The following KCNMA1 variants were observed in gnomAD, a reference collection of about 807,000 sequenced individuals.
KCNMA1 encodes the protein Calcium-activated potassium channel subunit alpha-1.
Under a neutral mutation model 140.0 loss-of-function variants are expected in KCNMA1, and 29 were observed. That is an observed-to-expected ratio of 0.21 (90% CI 0.15 to 0.28). The LOEUF (loss-of-function observed/expected upper bound fraction) is 0.28, where lower values mean the gene tolerates loss of function less well. KCNMA1 is among the 10% of genes least tolerant of loss of function. The pLI, the probability that KCNMA1 is intolerant of heterozygous loss-of-function variation, is 1.00. For synonymous variants in KCNMA1, 612 were observed against 611.9 expected (o/e 1.00, Z 0.00); for missense variants, 880 against 1,602.2 (o/e 0.55, Z 7.70).
chr10:77,597,609 G>C (rs1329500446), intron 1 of KCNMA1, among the ~76,000 whole-genome samples: 1 of 152,116 alleles, frequency 6.6e-6, no homozygotes, highest in African/African-American at 2.4e-5. Flanking sequence ...CATATACAAG[G>C]CTCACAAGGC....
At chr10:77,126,911 C>A (rs2097754883) in intron 5 of KCNMA1, among the ~76,000 whole-genome samples, 1 of 152,106 alleles carries the variant, frequency 6.6e-6, no homozygotes, top group Non-Finnish European at 1.5e-5. Context: ...TGGTGATCTG[C>A]ATACCAGAAG....
intron 3 of KCNMA1, among the ~76,000 whole-genome samples, chr10:77,190,093 G>A (rs2098927041): frequency 6.6e-6 from 1 of 151,938 alleles, no homozygotes; most frequent in African/African-American, 2.4e-5. Context: ...CTCTTCAACT[G>A]CTGATTACTC....
At chr10:76,917,526 C>T (rs2053475624) in intron 23 of KCNMA1, among the ~76,000 whole-genome samples, 1 of 152,108 alleles carries the variant, frequency 6.6e-6, no homozygotes, top group African/African-American at 2.4e-5. Flanking sequence ...GCTTCATAGG[C>T]TTCTTTCATT....
chr10:77,424,468 C>T (rs1176778049), intron 1 of KCNMA1, among the ~76,000 whole-genome samples: 2 of 152,030 alleles, frequency 1.3e-5, no homozygotes, highest in Non-Finnish European at 2.9e-5. Flanking sequence ...CTGCTATATA[C>T]CCATAGTGGA....
At chr10:77,411,696 G>A (rs1372791573) in intron 1 of KCNMA1, among the ~76,000 whole-genome samples, 1 of 152,136 alleles carries the variant, frequency 6.6e-6, no homozygotes, top group Admixed American at 6.5e-5. Context: ...GCCACTTCTG[G>A]GTACTGCTTG....
At chr10:77,587,497 C>T (rs948921476) in intron 1 of KCNMA1, among the ~76,000 whole-genome samples, 1 of 152,114 alleles carries the variant, frequency 6.6e-6, no homozygotes, top group African/African-American at 2.4e-5. Flanking sequence ...TTGGGATAAG[C>T]CAAGAGGGAG....
chr10:77,334,043 A>G (rs775417204), intron 2 of KCNMA1, among the ~76,000 whole-genome samples: 1 of 152,166 alleles, frequency 6.6e-6, no homozygotes, highest in Non-Finnish European at 1.5e-5. Context: ...CCTTCTTCAC[A>G]TGCCCCCTGC....
intron 19 of KCNMA1, among the ~76,000 whole-genome samples, chr10:76,998,590 C>A (rs938502096): frequency 3.9e-5 from 6 of 152,104 alleles, no homozygotes; most frequent in Non-Finnish European, 7.4e-5. Context: ...TAATCTGATC[C>A]GCCCATCTGA....
At chr10:77,573,648 GAATAGAATAGAATA>G (rs1567636579) in intron 1 of KCNMA1, among the ~76,000 whole-genome samples, 1,977 of 49,066 alleles carry the variant, frequency 0.04, 38 homozygotes, top group East Asian at 0.12. Flanking sequence ...GAATGGAATA[GAATAGAATAGAATA>G]GAATAGAATA....
At chr10:76,934,828 C>T (rs982382958) in intron 23 of KCNMA1, among the ~76,000 whole-genome samples, 2 of 152,168 alleles carry the variant, frequency 1.3e-5, no homozygotes, top group African/African-American at 4.8e-5. Context: ...TTTTCTGAGC[C>T]TAGGCTTTGG....
At chr10:76,925,315 C>A (rs1480663567) in intron 23 of KCNMA1, among the ~76,000 whole-genome samples, 4 of 152,138 alleles carry the variant, frequency 2.6e-5, no homozygotes, top group Non-Finnish European at 5.9e-5. Flanking sequence ...CTGGGACCCT[C>A]CCTCTTTGCT....
intron 2 of KCNMA1, among the ~76,000 whole-genome samples, chr10:77,390,842 T>C (rs1315978122): frequency 6.6e-6 from 1 of 152,164 alleles, no homozygotes; most frequent in Non-Finnish European, 1.5e-5. Flanking sequence ...TGCCACTTTT[T>C]TTTTTGTGAT....
At chr10:77,175,734 T>A (rs146163989) in intron 5 of KCNMA1, among the ~76,000 whole-genome samples, 9 of 151,644 alleles carry the variant, frequency 5.9e-5, no homozygotes, top group African/African-American at 2.2e-4. Context: ...ACCTGCAGAG[T>A]CAGGGCAGGA....
At chr10:77,477,673 C>G (rs933613650) in intron 1 of KCNMA1, among the ~76,000 whole-genome samples, 1 of 152,216 alleles carries the variant, frequency 6.6e-6, no homozygotes, top group Non-Finnish European at 1.5e-5. Flanking sequence ...AACATGCCCA[C>G]TCAACCACAC....
At chr10:77,307,537 T>C (rs1396426360) in intron 2 of KCNMA1, among the ~76,000 whole-genome samples, 5 of 152,184 alleles carry the variant, frequency 3.3e-5, no homozygotes, top group Non-Finnish European at 7.3e-5. Flanking sequence ...ATTTAAGGTT[T>C]AAGGCTAGGC....
intron 1 of KCNMA1, among the ~76,000 whole-genome samples, chr10:77,568,935 C>A (rs1365670900): frequency 1.1e-4 from 17 of 149,284 alleles, no homozygotes; most frequent in African/African-American, 4.2e-4. Context: ...TTCTCATACA[C>A]CAACAACAGA....
chr10:77,079,521 T>G lies in KCNMA1; in HGVS notation c.1553A>C (p.Lys518Thr). 6.2e-7 allele frequency: 1 copy of G among 1,612,426 alleles called. No individual in the cohort carries two copies. Among genetic ancestry groups the G allele is most frequent in the Non-Finnish European group, 8.5e-7 (1 of 1,178,474 alleles). ...RVISIKNYHPKIRIITQMLQY... is the reference protein window; with the variant it reads ...RVISIKNYHPTIRIITQMLQY... ...CAGCATTTGAGTGATGATTCTTATC[T>G]TCGGATGGTAGTTCTTTATGGAGAT... The change falls in exon 13 of 28, where the codon AAG becomes ACG. Residue 518 changes from lysine (K) to threonine (T), a missense_variant. Lys to Thr is a moderately conservative substitution (Grantham distance 78). Transcript: ENST00000286628.
In KCNMA1 at chr10:76,885,226, T is replaced by C; in HGVS notation, c.*2040A>G. 4.0e-5 allele frequency: 21 copies of C among 524,422 alleles called. No individual in the cohort carries two copies. Among genetic ancestry groups the C allele is most frequent in the Non-Finnish European group, 5.1e-5 (21 of 408,278 alleles). The allele number at this position is 524,422 out of a possible 1,614,324, so 32.5% of individuals were successfully genotyped here. A position where few individuals can be genotyped will look rare whatever the true frequency, so the allele number is the denominator to read the frequency against. The stretch of plus-strand genomic sequence containing the variant: ...ATAGTTATATATATAGTTATATATA[T>C]ATAATTATATAGTTATATATATATA... On this transcript the variant is annotated 3_prime_UTR_variant, in exon 28 of 28. Transcript: ENST00000286628.
Position 77,409,174 on chromosome 10 carries a change from G to A in KCNMA1, c.379-5151C>T, listed in dbSNP as rs1455933445. ...GCTCACCCTTCCTATGTCACCTGGG[G>A]CCAAGGGCCTGACTGCACCCCATCA... is the stretch of plus-strand genomic sequence containing the variant. On this transcript the variant is annotated intron_variant, in intron 1 of 27. Coordinates refer to ENST00000286628, the MANE Select transcript of KCNMA1 (RefSeq NM_001161352.2). Among the ~76,000 whole-genome samples, 3 of 152,278 alleles carry A rather than the reference G, an allele frequency of 2.0e-5. No homozygotes were observed. The East Asian group carries it at 5.8e-4, about 29-fold the overall frequency.
Sources: allele counts gnomAD v4.1 joint callset (sites outside exome capture counted in the v4.1 genomes callset), GRCh38; gene constraint gnomAD v4.1.1; transcripts MANE v1.5; gene names NCBI Gene and HGNC (gene_info 2026-07-23, HGNC 2026-07-21).